The following PASK variants were observed in gnomAD, a reference collection of about 807,000 sequenced individuals.
PASK encodes PAS domain-containing serine/threonine-protein kinase.
In PASK, 110 loss-of-function variants were observed where a neutral mutation model predicts 121.0. That is an observed-to-expected ratio of 0.91 (90% CI 0.78 to 1.06). The LOEUF (loss-of-function observed/expected upper bound fraction) is 1.06, where lower values mean the gene tolerates loss of function less well. Ranked by LOEUF, PASK falls within the 50% of genes least tolerant of loss-of-function variation. PASK has a pLI of 0.00. For missense variants in PASK, 1,643 were observed against 1,702.3 expected, an observed-to-expected ratio of 0.97 and a Z score of 0.61; for synonymous variants, 686 against 717.8, an observed-to-expected ratio of 0.96 and a Z score of 0.71.
Position 241,106,442 on chromosome 2 carries a change from C to T in PASK, c.*124G>A. 1 of 948,142 alleles carries T rather than the reference C, an allele frequency of 1.1e-6. No homozygotes were observed. The highest frequency in any genetic ancestry group is 1.7e-6 in the Non-Finnish European group (1 of 581,366). The allele number at this position is 948,142 out of a possible 1,614,324, so 58.7% of individuals were successfully genotyped here. ...TCTTCTGTTCTGGTGTTTATCAAACCTGCACATGAGTTTTTAGAAGGTGAA... is the reference window on the plus strand; with the variant it reads ...TCTTCTGTTCTGGTGTTTATCAAACTTGCACATGAGTTTTTAGAAGGTGAA... On this transcript the variant is annotated 3_prime_UTR_variant, in exon 18 of 18. Transcript: ENST00000234040.
intron 12 of PASK, among the ~76,000 whole-genome samples, chr2:241,116,351 C>G (rs6761892): frequency 0.024 from 3,712 of 152,328 alleles, 151 homozygotes; most frequent in African/African-American, 0.085. Flanking sequence ...AGCGTCATTA[C>G]TGCCCATTCT....
chr2:241,137,324 C>A, intron 6 of PASK, 60 bp from the exon 7 acceptor site: 1 of 1,456,688 alleles, frequency 6.9e-7, no homozygotes, highest in South Asian at 1.1e-5. Context: ...AGCACTGAGT[C>A]TGTGCTGCGT....
At position 241,107,504 on chromosome 2, in the gene PASK, G is replaced by A. The variant is rs769170160; in HGVS notation, c.3668-5C>T. The A allele has an allele frequency of 6.2e-7, 1 of 1,613,798 alleles. No individual in the cohort carries two copies. Among genetic ancestry groups the A allele is most frequent in the South Asian group, 1.1e-5 (1 of 91,080 alleles). On this transcript the variant is annotated splice_region_variant and splice_polypyrimidine_tract_variant and intron_variant, in intron 16 of 17. Transcript: ENST00000234040. Reference sequence around the variant, plus strand: ...CAGACACAAGGCTCATGAGTTCTGGGGACACAAAGAACACAGATGGTAGGT... The same window carrying A: ...CAGACACAAGGCTCATGAGTTCTGGAGACACAAAGAACACAGATGGTAGGT...
intron 6 of PASK, 75 bp downstream of exon 6, chr2:241,137,878 G>A: frequency 6.5e-7 from 1 of 1,541,042 alleles, no homozygotes; most frequent in South Asian, 1.1e-5. Context: ...GAAACCCTTG[G>A]TCTGCGTCTC....
chr2:241,116,596 T>C (rs138075267), intron 12 of PASK, among the ~76,000 whole-genome samples: 27 of 152,366 alleles, frequency 1.8e-4, no homozygotes, highest in Admixed American at 5.2e-4. Context: ...CAACATTGAC[T>C]CTGAGATTAA....
chr2:241,133,421 TG>T (rs1459170406), intron 8 of PASK: 1 of 332,170 alleles, frequency 3.0e-6, no homozygotes, highest in African/African-American at 2.1e-5. Context: ...TTAGAGGCCT[TG>T]GGATCATGGC....
In PASK at chr2:241,132,920, C is replaced by A; in HGVS notation, c.1417G>T (p.Ala473Ser). 1.9e-6 allele frequency: 3 copies of A among 1,614,034 alleles called. No individual in the cohort carries two copies. The highest frequency in any genetic ancestry group is 2.5e-6 in the Non-Finnish European group (3 of 1,179,888). Residue 473 changes from alanine to serine, a missense_variant, in exon 9 of 18, where the codon GCT becomes TCT. This residue lies in a region of PASK where 1,176 missense variants were observed against 1,162.2 expected (regional missense o/e 1.01). Coordinates refer to ENST00000234040, the MANE Select transcript of PASK (RefSeq NM_015148.4). ...AGGCAGGAAAGGAGCTGGCCTCCAG[C>A]AATCAGCTCAGTCTGAGTCCCGGTG... is the stretch of plus-strand genomic sequence containing the variant. ...IFTGTQTELI[A>S]GGQLLSCLSP...
At chr2:241,150,163 C>T, upstream of PASK, 1 of 1,268,650 alleles carries the variant, frequency 7.9e-7, no homozygotes, top group South Asian at 2.3e-5. Flanking sequence ...CTCTCAAGCC[C>T]AGGGCGTCTC....
chr2:241,129,547 T>C (rs536519320), intron 9 of PASK, among the ~76,000 whole-genome samples: 1 of 152,230 alleles, frequency 6.6e-6, no homozygotes. Context: ...TAGGGCCAAT[T>C]TGACCGTCCA....
Position 241,124,022 on chromosome 2 carries a change from C to T in PASK, c.2831G>A (p.Arg944His), listed in dbSNP as rs149738932. 59 of 1,613,768 alleles carry T rather than the reference C, an allele frequency of 3.7e-5. No homozygotes were observed. The highest frequency in any genetic ancestry group is 1.7e-4 in the Middle Eastern group (1 of 6,018). ...GCCGGGCAGGCTGGCAAGGAACAGG[C>T]GGGTCCTGGCGGCTGAGTCGCGTTG... ...HSQRDSAART[R>H]LFLASLPGST... The change falls in exon 11 of 18, where the codon CGC becomes CAC. Residue 944 changes from arginine to histidine, a missense_variant. Arg to His is a conservative substitution (Grantham distance 29). This residue lies in a region of PASK where 453 missense variants were observed against 511.2 expected (regional missense o/e 0.89). Transcript: ENST00000234040.
At chr2:241,124,218 A>G in intron 10 of PASK, 85 bp from the exon 11 acceptor site, 6 of 1,079,908 alleles carry the variant, frequency 5.6e-6, no homozygotes. Flanking sequence ...CAGTCCCCAG[A>G]ATGCAACAGT....
chr2:241,111,381 C>A (rs530302070), intron 15 of PASK, among the ~76,000 whole-genome samples: 1 of 152,338 alleles, frequency 6.6e-6, no homozygotes, highest in Non-Finnish European at 1.5e-5. Context: ...GACTCTCTAA[C>A]CATGAACTCA....
rs1486114211 is a variant in PASK at position 241,126,213 on chromosome 2, C to A, written c.2702G>T (p.Arg901Leu). ...GGACATACTCAGCCGTAAGCCATCT[C>A]GATGGTAGCAGCTCCCGGAGTAGGC... ...EGAYSGSCYH[R>L]DGLRLSIQFE... Residue 901 changes from arginine to leucine, a missense_variant, in exon 10 of 18, where the codon CGA becomes CTA. Physicochemically the swap from Arg to Leu is moderately radical, Grantham distance 102. Around this residue, in one of 3 missense-constraint regions of PASK, gnomAD observed 1,176 missense variants for 1,162.2 expected, o/e 1.01. Coordinates refer to ENST00000234040, the MANE Select transcript of PASK (RefSeq NM_015148.4). 6.2e-7 allele frequency: 1 copy of A among 1,614,060 alleles called. No homozygotes were observed. The highest frequency in any genetic ancestry group is 8.5e-7 in the Non-Finnish European group (1 of 1,180,030).
intron 9 of PASK, among the ~76,000 whole-genome samples, chr2:241,128,846 T>C (rs192691015): frequency 2.0e-5 from 3 of 150,088 alleles, no homozygotes; most frequent in East Asian, 2.0e-4. Flanking sequence ...GCCTGGGCAA[T>C]GGCCAAGACC....
chr2:241,149,408 T>C lies in PASK; in HGVS notation c.-43+6A>G, dbSNP rs2067174186. ...CGGCCCGCTCTCCCGAGCGCAGGTA[T>C]CTCACCTGGATCAGGCGAGGGTCAC... is the stretch of plus-strand genomic sequence containing the variant. On this transcript the variant is annotated splice_donor_region_variant and intron_variant, in intron 1 of 17. Coordinates refer to ENST00000234040, the MANE Select transcript of PASK (RefSeq NM_015148.4). 1.0e-5 allele frequency: 5 copies of C among 476,334 alleles called. 1 individual carries two copies. In the South Asian group the frequency reaches 1.3e-4, roughly 12 times the overall value. The allele number at this position is 476,334 out of a possible 1,614,324, so 29.5% of individuals were successfully genotyped here. A position where few individuals can be genotyped will look rare whatever the true frequency, so the allele number is the denominator to read the frequency against.
intron 2 of PASK, 182 bp from the exon 3 acceptor site, chr2:241,140,935 T>A (rs1414169729): frequency 1.5e-6 from 1 of 646,580 alleles, no homozygotes; most frequent in Non-Finnish European, 2.9e-6. Flanking sequence ...AGAATCCACT[T>A]AGGCAACCAC....
chr2:241,123,887 C>T, intron 11 of PASK, 62 bp downstream of exon 11: 1 of 1,333,838 alleles, frequency 7.5e-7, no homozygotes, highest in East Asian at 2.3e-5. Flanking sequence ...GAGATGCCAA[C>T]TAGGATATTT....
At position 241,142,885 on chromosome 2, in the gene PASK, T is replaced by C. The variant is rs773581075; in HGVS notation, c.148A>G (p.Arg50Gly). The change falls in exon 2 of 18, where the codon AGA becomes GGA. Residue 50 changes from arginine (R) to glycine (G), a missense_variant. By Grantham distance (125) the Arg-to-Gly change is moderately radical. Transcript: ENST00000234040. ...SFSSAHRHLS[R>G]RNGLSRLCQS... ...CAGAGTCTGGAAAGCCCATTCCTTC[T>C]GCTCAGGTGTCTGTGGGCTGAGGAA... 5 of 1,614,124 alleles carry C rather than the reference T, an allele frequency of 3.1e-6. No individual in the cohort carries two copies. Among genetic ancestry groups the C allele is most frequent in the Non-Finnish European group, 4.2e-6 (5 of 1,180,002 alleles).
chr2:241,137,322 G>C, intron 6 of PASK, 58 bp from the exon 7 acceptor site: 2 of 1,448,326 alleles, frequency 1.4e-6, no homozygotes, highest in Non-Finnish European at 1.9e-6. Context: ...AGAGCACTGA[G>C]TCTGTGCTGC....
Sources: allele counts gnomAD v4.1 joint callset (sites outside exome capture counted in the v4.1 genomes callset), GRCh38; gene constraint gnomAD v4.1.1; regional missense constraint gnomAD v4.1.1; transcripts MANE v1.5; gene names NCBI Gene and HGNC (gene_info 2026-07-23, HGNC 2026-07-21).